Variants in PRKAG2 observed in about 807,000 individuals in gnomAD.
The protein encoded by PRKAG2 is protein kinase AMP-activated non-catalytic subunit gamma 2.
In PRKAG2, 26 loss-of-function variants were observed where a neutral mutation model predicts 69.6. The ratio of observed to expected loss-of-function variants is 0.37; its 90% CI spans 0.27 to 0.52. The LOEUF (loss-of-function observed/expected upper bound fraction) is 0.52, where lower values mean the gene tolerates loss of function less well. PRKAG2 is among the 20% of genes least tolerant of loss of function. The pLI, the probability that PRKAG2 is intolerant of heterozygous loss-of-function variation, is 0.90. For synonymous variants in PRKAG2, 293 were observed against 285.0 expected, an observed-to-expected ratio of 1.03 and a Z score of -0.28; for missense variants, 557 against 740.0, an observed-to-expected ratio of 0.75 and a Z score of 2.87.
At chr7:151,860,930 T>A (rs2079904955) in intron 1 of PRKAG2, among the ~76,000 whole-genome samples, 1 of 152,180 alleles carries the variant, frequency 6.6e-6, no homozygotes, top group Non-Finnish European at 1.5e-5. Flanking sequence ...CCCAGTATTC[T>A]GCTTCTAGGT....
intron 1 of PRKAG2, among the ~76,000 whole-genome samples, chr7:151,831,939 C>A (rs574216798): frequency 6.6e-6 from 1 of 152,144 alleles, no homozygotes; most frequent in South Asian, 2.1e-4. Flanking sequence ...GATCTCAGAG[C>A]GGGGTGGCTG....
At chr7:151,800,888 A>G (rs2077804425) in intron 1 of PRKAG2, among the ~76,000 whole-genome samples, 1 of 152,178 alleles carries the variant, frequency 6.6e-6, no homozygotes, top group African/African-American at 2.4e-5. Flanking sequence ...CAGAGGTGCC[A>G]CAGTAATGCC....
At chr7:151,789,986 A>T (rs1236165151) in intron 1 of PRKAG2, among the ~76,000 whole-genome samples, 2 of 152,172 alleles carry the variant, frequency 1.3e-5, no homozygotes, top group Non-Finnish European at 2.9e-5. Context: ...TTTTCCAAAC[A>T]CAGCTATGCA....
In PRKAG2 at chr7:151,581,738, C is replaced by CA. The variant is rs1299669328; in HGVS notation, c.865-5287_865-5286insT. ...TACACTACAGTGAGCCTCATCACAC[C>CA]TCAGGCTTAAAAGAATGATACCAAC... On this transcript the variant is annotated intron_variant, in intron 6 of 15. Transcript: ENST00000287878. Among the ~76,000 whole-genome samples the CA allele has an allele frequency of 3.9e-5, 6 of 152,152 alleles. 1 individual carries two copies. The highest frequency in any genetic ancestry group is 3.8e-4 in the East Asian group (2 of 5,198).
chr7:151,805,344 T>G (rs1319394532), intron 1 of PRKAG2, among the ~76,000 whole-genome samples: 3 of 152,132 alleles, frequency 2.0e-5, no homozygotes, highest in African/African-American at 7.2e-5. Flanking sequence ...CAGGGAGTGA[T>G]GTGAGAGTGA....
chr7:151,610,095 G>A (rs1379984624), intron 5 of PRKAG2, among the ~76,000 whole-genome samples: 1 of 152,214 alleles, frequency 6.6e-6, no homozygotes, highest in Non-Finnish European at 1.5e-5. Flanking sequence ...GAACCTTAGT[G>A]TGGCTCACAT....
intron 15 of PRKAG2, chr7:151,558,081 C>T (rs1046201695): frequency 7.0e-5 from 69 of 985,128 alleles, no homozygotes; most frequent in Non-Finnish European, 8.0e-5. Flanking sequence ...GAGCGTGTGG[C>T]TGAAACACCG....
chr7:151,868,517 G>T (rs1333177571), intron 1 of PRKAG2, among the ~76,000 whole-genome samples: 1 of 152,260 alleles, frequency 6.6e-6, no homozygotes, highest in African/African-American at 2.4e-5. Flanking sequence ...CAACGTCACA[G>T]CTCAGCTGCC....
At chr7:151,743,076 T>A (rs10278273) in intron 3 of PRKAG2, among the ~76,000 whole-genome samples, 1 of 151,960 alleles carries the variant, frequency 6.6e-6, no homozygotes, top group African/African-American at 2.4e-5. Flanking sequence ...CCCACATGAA[T>A]AGAGGGGAAA....
intron 3 of PRKAG2, among the ~76,000 whole-genome samples, chr7:151,713,317 C>A (rs955920952): frequency 2.0e-5 from 3 of 152,194 alleles, no homozygotes; most frequent in Admixed American, 6.5e-5. Context: ...TCTTTCCCCC[C>A]ACCCAAAGCA....
Position 151,786,359 on chromosome 7 carries a change from A to G in PRKAG2, c.186+111T>C, listed in dbSNP as rs12671980. ...CGGTTACGGCCAGGTGTGCAAGCGG[A>G]CATGCGGGTGGGCGTGAGGGTGAAC... On this transcript the variant is annotated intron_variant, in intron 2 of 15. Coordinates refer to ENST00000287878, the MANE Select transcript of PRKAG2 (RefSeq NM_016203.4). 0.85 allele frequency: 877,329 copies of G among 1,036,570 alleles called. 376,438 individuals carry two copies. Among genetic ancestry groups the G allele is most frequent in the East Asian group, 0.95 (36,963 of 38,720 alleles). The allele number at this position is 1,036,570 out of a possible 1,614,324, so 64.2% of individuals were successfully genotyped here. A position where few individuals can be genotyped will look rare whatever the true frequency, so the allele number is the denominator to read the frequency against.
intron 15 of PRKAG2, chr7:151,559,554 T>C: frequency 1.0e-6 from 1 of 984,510 alleles, no homozygotes. Context: ...AAATCACTGC[T>C]GTACTGGAAT....
At chr7:151,642,992 G>A (rs1030129591) in intron 4 of PRKAG2, among the ~76,000 whole-genome samples, 15 of 152,332 alleles carry the variant, frequency 9.8e-5, no homozygotes, top group Middle Eastern at 3.4e-3. Context: ...AATTGGCATA[G>A]AAGATATGAA....
At chr7:151,626,148 G>C (rs904707992) in intron 5 of PRKAG2, among the ~76,000 whole-genome samples, 3 of 152,180 alleles carry the variant, frequency 2.0e-5, no homozygotes, top group Admixed American at 6.5e-5. Flanking sequence ...TGACTTTCCA[G>C]CTGGTTCCAG....
chr7:151,792,970 G>A (rs1325191294), intron 1 of PRKAG2, among the ~76,000 whole-genome samples: 3 of 152,232 alleles, frequency 2.0e-5, no homozygotes, highest in Non-Finnish European at 4.4e-5. Flanking sequence ...CCCCAGCTCT[G>A]TGATCTGCGA....
chr7:151,623,366 A>T (rs1042217987), intron 5 of PRKAG2, among the ~76,000 whole-genome samples: 1 of 105,942 alleles, frequency 9.4e-6, no homozygotes, highest in African/African-American at 5.1e-5. Flanking sequence ...TCTGTCTCAA[A>T]AAAAAAAAAA....
At chr7:151,792,846 G>C (rs2077327611) in intron 1 of PRKAG2, among the ~76,000 whole-genome samples, 1 of 152,180 alleles carries the variant, frequency 6.6e-6, no homozygotes, top group Admixed American at 6.5e-5. Flanking sequence ...GGAGCTGCTG[G>C]GCCTTGCGTC....
intron 3 of PRKAG2, among the ~76,000 whole-genome samples, chr7:151,764,344 G>C (rs1231875227): frequency 6.6e-6 from 1 of 152,238 alleles, no homozygotes; most frequent in Non-Finnish European, 1.5e-5. Flanking sequence ...CGCTCCAGAA[G>C]GGAGAAAGGC....
chr7:151,804,553 G>A lies in PRKAG2; in HGVS notation c.115-18012C>T, dbSNP rs148256634. On this transcript the variant is annotated intron_variant, in intron 1 of 15. Transcript: ENST00000287878. ...CAAGAGGAGATTTGGGTGGGGACAC[G>A]GATGTCACCACGAGCCCTCCTCAGC... Among the ~76,000 whole-genome samples, 786 of 152,176 alleles carry A rather than the reference G, an allele frequency of 5.2e-3. 6 individuals are homozygous for A. Among genetic ancestry groups the A allele is most frequent in the South Asian group, 0.018 (85 of 4,820 alleles).
Sources: gnomAD v4.1 joint callset for allele counts (sites outside exome capture counted in the v4.1 genomes callset) on GRCh38, gnomAD v4.1.1 for gene constraint, MANE v1.5 for transcripts, NCBI Gene and HGNC (gene_info 2026-07-23, HGNC 2026-07-21) for gene names.